NCOR2: variants seen among roughly 807,000 people sequenced by gnomAD.
NCOR2 encodes the protein CTG repeat protein 26.
NCOR2 carries 81 observed loss-of-function variants against 262.9 expected under a neutral mutation model. The observed-to-expected ratio is 0.31, with a 90% CI of 0.26 to 0.37. NCOR2 has a LOEUF of 0.37. NCOR2 is among the 10% of genes least tolerant of loss of function. NCOR2 has a pLI of 1.00. For synonymous variants in NCOR2, 1,659 were observed against 1,559.3 expected (o/e 1.06, Z -1.51); for missense variants, 3,385 against 3,621.4 (o/e 0.93, Z 1.68).
chr12:124,540,000 A>G (rs2051240150), upstream of NCOR2, among the ~76,000 whole-genome samples: 2 of 152,038 alleles, frequency 1.3e-5, no homozygotes, highest in African/African-American at 4.8e-5. The surrounding 1 kb of genome is among the most constrained non-coding windows in gnomAD (Gnocchi z 5.1). Flanking sequence ...CCAGGACACC[A>G]TCAACCTTCA....
In NCOR2 at chr12:124,563,708, G is replaced by A. The variant is rs561213745; in HGVS notation, c.-165+3600C>T. 2.0e-5 allele frequency among the ~76,000 whole-genome samples: 3 copies of A among 152,394 alleles called. No homozygotes were observed. In the South Asian group the frequency reaches 6.2e-4, roughly 32 times the overall value. ...AGGCGAATGCCAAATTTGCATGAATGTTTCAGATAAAATGAGACCTCAAAG... is the reference window on the plus strand; with the variant it reads ...AGGCGAATGCCAAATTTGCATGAATATTTCAGATAAAATGAGACCTCAAAG... On this transcript the variant is annotated intron_variant, in intron 1 of 32. Transcript: ENST00000458234.
At chr12:124,342,518 C>T (rs1254249337) in intron 33 of NCOR2, among the ~76,000 whole-genome samples, 9 of 152,154 alleles carry the variant, frequency 5.9e-5, no homozygotes, top group East Asian at 5.8e-4. Context: ...TACAGGCGCC[C>T]GCCACCACAC....
intron 4 of NCOR2, among the ~76,000 whole-genome samples, 158 bp from the exon 7 acceptor site, chr12:124,466,444 C>T (rs1302458137): frequency 1.3e-5 from 2 of 152,144 alleles, no homozygotes; most frequent in East Asian, 1.9e-4. Context: ...CCAGGGACTC[C>T]GCACCCGGGA....
chr12:124,513,801 C>T (rs905319604), intron 1 of NCOR2: 1 of 152,226 alleles, frequency 6.6e-6, no homozygotes, highest in Admixed American at 6.5e-5. Flanking sequence ...GGTTCCTTCT[C>T]ATGACTGTAT....
Position 124,325,386 on chromosome 12 carries a change from C to CCG in NCOR2, c.*15_*16insCG, listed in dbSNP as rs1555297277. ...GCTGGGACCTGACACCGCCCCCCCC[C>CCG]CCGCCCTGTTCTGAGTCACTCGCTG... On this transcript the variant is annotated 3_prime_UTR_variant, in exon 47 of 47. Coordinates refer to ENST00000405201, the Ensembl canonical transcript of NCOR2. 5.8e-5 allele frequency: 34 copies of CCG among 589,828 alleles called. 4 individuals carry two copies. The highest frequency in any genetic ancestry group is 5.0e-4 in the South Asian group (9 of 17,956). The allele number at this position is 589,828 out of a possible 1,614,324, so 36.5% of individuals were successfully genotyped here.
At chr12:124,340,142 G>A (rs1386963157) in exon 37 of NCOR2, 8 of 1,606,666 alleles carry the variant, frequency 5.0e-6, no homozygotes. Flanking sequence ...GCATGGGAGT[G>A]GGAGGCGGGG....
intron 6 of NCOR2, among the ~76,000 whole-genome samples, chr12:124,453,207 C>A (rs2045651189): frequency 6.6e-6 from 1 of 152,212 alleles, no homozygotes. Context: ...CCAGCCCAGG[C>A]TAGCCGGGGT....
exon 25 of NCOR2, chr12:124,354,847 G>A: frequency 6.2e-7 from 1 of 1,612,510 alleles, no homozygotes; most frequent in Non-Finnish European, 8.5e-7. Context: ...CCAGCTTTTT[G>A]GGGTCCATGG....
At chr12:124,497,285 G>A (rs1300454265), upstream of NCOR2, among the ~76,000 whole-genome samples, 1 of 152,186 alleles carries the variant, frequency 6.6e-6, no homozygotes, top group Admixed American at 6.5e-5. This position sits in a 1 kb window ranked among gnomAD's most constrained non-coding sequence, Gnocchi z 4.2. Flanking sequence ...TCCTGCCTGC[G>A]TGGGCTTTCC....
At position 124,378,061 on chromosome 12, in the gene NCOR2, T is replaced by C. The variant is rs1486971016; in HGVS notation, c.2167+176A>G. On this transcript the variant is annotated intron_variant, in intron 18 of 46. Transcript: ENST00000405201. This position sits in a 1 kb window ranked among gnomAD's most constrained non-coding sequence, Gnocchi z 4.2. ...GTTATGGCCTTCATCCTTGTGCCCA[T>C]TACTGGTGAGTTTCTGGCAAGTCAG... 6.6e-6 allele frequency among the ~76,000 whole-genome samples: 1 copy of C among 151,976 alleles called. No individual in the cohort carries two copies. Among genetic ancestry groups the C allele is most frequent in the Admixed American group, 6.5e-5 (1 of 15,272 alleles).
At chr12:124,403,505 G>A (rs2042096880) in intron 13 of NCOR2, among the ~76,000 whole-genome samples, 1 of 152,094 alleles carries the variant, frequency 6.6e-6, no homozygotes, top group South Asian at 2.1e-4. Flanking sequence ...TTCTTTTAAA[G>A]CACACACTGA....
intron 37 of NCOR2, among the ~76,000 whole-genome samples, chr12:124,337,825 G>C (rs1471010744): frequency 6.6e-6 from 1 of 152,220 alleles, no homozygotes; most frequent in Non-Finnish European, 1.5e-5. Context: ...GGAGCCGGCT[G>C]CTCCACCCAC....
intron 17 of NCOR2, among the ~76,000 whole-genome samples, chr12:124,384,344 A>G (rs2040634705): frequency 6.6e-6 from 1 of 152,326 alleles, no homozygotes; most frequent in East Asian, 1.9e-4. Flanking sequence ...CCCAACCAGA[A>G]GGCCCGAAGC....
chr12:124,466,610 G>A (rs986975259), intron 4 of NCOR2, among the ~76,000 whole-genome samples: 2 of 152,080 alleles, frequency 1.3e-5, no homozygotes, highest in African/African-American at 4.8e-5. Flanking sequence ...TTGCCGTGCC[G>A]CCATTCTGAC....
At chr12:124,537,268 ACTT>A (rs2051144470), upstream of NCOR2, among the ~76,000 whole-genome samples, 2 of 152,358 alleles carry the variant, frequency 1.3e-5, no homozygotes, top group East Asian at 3.9e-4. Flanking sequence ...TATCGTGTTA[ACTT>A]CTGCATGAAA....
chr12:124,521,156 C>G (rs1053290893), intron 1 of NCOR2, among the ~76,000 whole-genome samples: 1 of 152,196 alleles, frequency 6.6e-6, no homozygotes, highest in East Asian at 1.9e-4. Flanking sequence ...GACCCACAGC[C>G]GCAGCTACGC....
exon 34 of NCOR2, chr12:124,341,992 G>A (rs1156521981): frequency 6.2e-7 from 1 of 1,613,478 alleles, no homozygotes; most frequent in East Asian, 2.2e-5. Flanking sequence ...CCGTGTCGGG[G>A]TAGCCGCGGA....
Position 124,566,309 on chromosome 12 carries a change from G to T in NCOR2, c.-165+999C>A, listed in dbSNP as rs556890930. On this transcript the variant is annotated intron_variant, in intron 1 of 32. Coordinates refer to the NCOR2 transcript ENST00000458234. This position sits in a 1 kb window ranked among gnomAD's most constrained non-coding sequence, Gnocchi z 4.3. ...AGACCCTCGGAGAGCCGGAGCGCGC[G>T]ACAGGCGGCGGGAGGACACTCGCTT... Among the ~76,000 whole-genome samples the T allele has an allele frequency of 8.5e-5, 13 of 152,302 alleles. No homozygotes were observed. In the South Asian group the frequency reaches 2.7e-3, roughly 32 times the overall value.
intron 20 of NCOR2, 76 bp downstream of exon 22, chr12:124,371,946 G>A (rs777018245): frequency 3.0e-5 from 43 of 1,410,604 alleles, no homozygotes; most frequent in Admixed American, 6.8e-5. Flanking sequence ...GACTGGGTGC[G>A]GCTGTCTAAG....
Sources: gnomAD v4.1 joint callset for allele counts (sites outside exome capture counted in the v4.1 genomes callset) on GRCh38, gnomAD v4.1.1 for gene constraint, Gnocchi (gnomAD v3.1) non-coding constraint, MANE v1.5 for transcripts, NCBI Gene and HGNC (gene_info 2026-07-23, HGNC 2026-07-21) for gene names.